Variants in CPLX2 observed in about 807,000 individuals in gnomAD.
CPLX2 encodes the protein complexin 2.
CPLX2 carries 5 observed loss-of-function variants against 16.3 expected under a neutral mutation model. The observed-to-expected ratio is 0.31, with a 90% CI of 0.16 to 0.64. The LOEUF (loss-of-function observed/expected upper bound fraction) is 0.64, where lower values mean the gene tolerates loss of function less well. Among genes scored for constraint, CPLX2 ranks in the 30% least tolerant of loss-of-function variants. The pLI is 0.79. For missense variants in CPLX2, 144 were observed against 181.4 expected, an observed-to-expected ratio of 0.79 and a Z score of 1.18; for synonymous variants, 89 against 73.2, an observed-to-expected ratio of 1.22 and a Z score of -1.10.
At position 175,802,317 on chromosome 5, in the gene CPLX2, T is replaced by C. The variant is rs1254168857; in HGVS notation, c.-169+5533T>C. On this transcript the variant is annotated intron_variant, in intron 1 of 4. Coordinates refer to the CPLX2 transcript ENST00000359546. ...ATCAAAGACACCACTGCCCACACTT[T>C]CCCTGCCGCCCCCTCAATCTGCAAC... Among the ~76,000 whole-genome samples the C allele has an allele frequency of 2.6e-5, 4 of 152,182 alleles. No individual in the cohort carries two copies. The East Asian group carries it at 7.7e-4, about 29-fold the overall frequency.
At chr5:175,878,881 C>T (rs1391981646) in intron 2 of CPLX2, 27 bp from the exon 3 acceptor site, 7 of 1,610,262 alleles carry the variant, frequency 4.3e-6, no homozygotes, top group Non-Finnish European at 5.1e-6. Context: ...CTGACCCCGC[C>T]CTCTCCTTCC....
At chr5:175,875,808 T>C (rs1433776181) in intron 1 of CPLX2, among the ~76,000 whole-genome samples, 2 of 151,972 alleles carry the variant, frequency 1.3e-5, no homozygotes, top group African/African-American at 4.8e-5. Flanking sequence ...GGCAGCAGGA[T>C]TTTTGGGCAG....
chr5:175,857,674 A>G (rs1759285299), intron 2 of CPLX2, among the ~76,000 whole-genome samples: 1 of 152,234 alleles, frequency 6.6e-6, no homozygotes, highest in Non-Finnish European at 1.5e-5. Context: ...TGAGGTACGG[A>G]TTCTACTGAA....
intron 2 of CPLX2, among the ~76,000 whole-genome samples, chr5:175,823,621 T>C (rs1313055131): frequency 6.6e-6 from 1 of 152,152 alleles, no homozygotes; most frequent in Non-Finnish European, 1.5e-5. Context: ...TTAGGAGCTA[T>C]TAATACAGAG....
At chr5:175,800,026 T>C (rs879757590) in intron 1 of CPLX2, among the ~76,000 whole-genome samples, 2 of 152,154 alleles carry the variant, frequency 1.3e-5, no homozygotes, top group African/African-American at 4.8e-5. Flanking sequence ...CCTTTTCCGA[T>C]TTGCCCTGAA....
rs1259912177 is a variant in CPLX2 at position 175,883,270 on chromosome 5, G to A, written c.*3225G>A. ...GCCCTGGGCTGGGCACCAGTGACAG[G>A]TCAGGATCTCCAAACATGGACGTCC... On this transcript the variant is annotated 3_prime_UTR_variant, in exon 4 of 4. Coordinates refer to ENST00000393745, the MANE Select transcript of CPLX2 (RefSeq NM_001008220.2). 2 of 152,282 alleles carry A rather than the reference G, an allele frequency of 1.3e-5. No individual in the cohort carries two copies. Among genetic ancestry groups the A allele is most frequent in the African/African-American group, 2.4e-5 (1 of 41,438 alleles). 9.4% of individuals were successfully genotyped at this position (152,282 alleles called of 1,614,324 possible).
intron 1 of CPLX2, among the ~76,000 whole-genome samples, chr5:175,805,012 A>C (rs1376192776): frequency 6.6e-6 from 1 of 152,208 alleles, no homozygotes; most frequent in African/African-American, 2.4e-5. Flanking sequence ...AATTATAGGT[A>C]GCTTCTATGG....
chr5:175,862,064 G>T (rs984402245), intron 2 of CPLX2, among the ~76,000 whole-genome samples: 1 of 152,188 alleles, frequency 6.6e-6, no homozygotes, highest in African/African-American at 2.4e-5. Flanking sequence ...CCTGCTGAAA[G>T]CACCCTGCCC....
At chr5:175,799,681 A>AT (rs1275521072) in intron 1 of CPLX2, among the ~76,000 whole-genome samples, 5 of 147,926 alleles carry the variant, frequency 3.4e-5, no homozygotes, top group African/African-American at 7.6e-5. Flanking sequence ...ATGCCCAGCT[A>AT]TTTTTTTTAT....
chr5:175,860,386 G>T (rs1759338615), intron 2 of CPLX2, among the ~76,000 whole-genome samples: 1 of 150,502 alleles, frequency 6.6e-6, no homozygotes, highest in South Asian at 2.1e-4. Context: ...TTGTGCCATT[G>T]CTCTCCAGTT....
At chr5:175,874,584 T>C (rs1002049006) in intron 1 of CPLX2, among the ~76,000 whole-genome samples, 1 of 152,078 alleles carries the variant, frequency 6.6e-6, no homozygotes, top group African/African-American at 2.4e-5. Flanking sequence ...TTGAGGTGAT[T>C]GGGACAAGGC....
intron 2 of CPLX2, among the ~76,000 whole-genome samples, chr5:175,865,204 T>C (rs1008867887): frequency 3.9e-5 from 6 of 152,250 alleles, no homozygotes; most frequent in Non-Finnish European, 7.3e-5. Context: ...TATTAACCTC[T>C]GTTGTCCATG....
At chr5:175,828,189 G>A (rs1170140820) in intron 2 of CPLX2, among the ~76,000 whole-genome samples, 1 of 152,144 alleles carries the variant, frequency 6.6e-6, no homozygotes, top group Non-Finnish European at 1.5e-5. Context: ...CATCCTCACT[G>A]AGGCAGCCTC....
At chr5:175,864,487 A>G (rs1256398451) in intron 2 of CPLX2, among the ~76,000 whole-genome samples, 1 of 152,180 alleles carries the variant, frequency 6.6e-6, no homozygotes, top group Non-Finnish European at 1.5e-5. Flanking sequence ...TTGTATGGTC[A>G]TTGACTGTTT....
rs200827116 is a variant in CPLX2 at position 175,830,058 on chromosome 5, G to A, written c.-89+20990G>A. Among the ~76,000 whole-genome samples the A allele has an allele frequency of 5.3e-5, 8 of 152,322 alleles. No individual in the cohort carries two copies. The East Asian group carries it at 1.2e-3, about 22-fold the overall frequency. On this transcript the variant is annotated intron_variant, in intron 2 of 4. Transcript: ENST00000359546. The surrounding 1 kb of genome is among the most constrained non-coding windows in gnomAD (Gnocchi z 4.0). The stretch of plus-strand genomic sequence containing the variant: ...CTAGCGGTCTCTCTCATCCACCAGC[G>A]TGGCTGCGGCCCTCCGTGCTCTCTG...
At chr5:175,806,567 C>T (rs1371615231) in intron 1 of CPLX2, among the ~76,000 whole-genome samples, 2 of 152,104 alleles carry the variant, frequency 1.3e-5, no homozygotes, top group Non-Finnish European at 2.9e-5. Flanking sequence ...CTTGGCTCAC[C>T]GCAACCTCTG....
chr5:175,858,503 A>G (rs572553178), intron 2 of CPLX2, among the ~76,000 whole-genome samples: 3 of 152,344 alleles, frequency 2.0e-5, no homozygotes, highest in Admixed American at 1.3e-4. Flanking sequence ...GCGTGAACAG[A>G]TGCCACAAGG....
chr5:175,859,299 T>C (rs1177548102), intron 2 of CPLX2, among the ~76,000 whole-genome samples: 1 of 152,226 alleles, frequency 6.6e-6, no homozygotes, highest in African/African-American at 2.4e-5. Flanking sequence ...GGAAGGCCTG[T>C]GGGACCAAGA....
rs1758270039 is a variant in CPLX2, at chr5:175,809,259, A to G, written c.-89+191A>G. 2 of 152,082 alleles carry G rather than the reference A, an allele frequency of 1.3e-5. No homozygotes were observed. Among genetic ancestry groups the G allele is most frequent in the Non-Finnish European group, 2.9e-5 (2 of 68,052 alleles). 9.4% of individuals were successfully genotyped at this position (152,082 alleles called of 1,614,324 possible). On this transcript the variant is annotated intron_variant, in intron 2 of 4. Transcript: ENST00000359546. The surrounding 1 kb of genome is among the most constrained non-coding windows in gnomAD (Gnocchi z 4.4). ...TTGCATGTTCAGAGCCGTTTACAACAGAGAAGCACTTTCTTGTGCAATGCC... is the reference window on the plus strand; with the variant it reads ...TTGCATGTTCAGAGCCGTTTACAACGGAGAAGCACTTTCTTGTGCAATGCC...
Sources: allele counts gnomAD v4.1 joint callset (sites outside exome capture counted in the v4.1 genomes callset), GRCh38; gene constraint gnomAD v4.1.1; non-coding constraint Gnocchi (gnomAD v3.1); transcripts MANE v1.5; gene names NCBI Gene and HGNC (gene_info 2026-07-23, HGNC 2026-07-21).